INTS14: variants seen among roughly 807,000 people sequenced by gnomAD.
INTS14 encodes integrator complex subunit 14, also known as UPF0464 protein C15orf44.
Under a neutral mutation model 56.9 loss-of-function variants are expected in INTS14, and 27 were observed. That is an observed-to-expected ratio of 0.47 (90% CI 0.35 to 0.65). The LOEUF (loss-of-function observed/expected upper bound fraction) is 0.65, where lower values mean the gene tolerates loss of function less well. Ranked by LOEUF, INTS14 falls within the 30% of genes least tolerant of loss-of-function variation. The pLI is 0.00. For synonymous variants in INTS14, 207 were observed against 236.2 expected (o/e 0.88, Z 1.13); for missense variants, 517 against 632.2 (o/e 0.82, Z 1.95).
At chr15:65,580,304 T>C (rs1180091962) in intron 11 of INTS14, among the ~76,000 whole-genome samples, 1 of 152,206 alleles carries the variant, frequency 6.6e-6, no homozygotes, top group African/African-American at 2.4e-5. Context: ...GCACTTTCCC[T>C]AGGCCCTTTT....
At position 65,598,963 on chromosome 15, in the gene INTS14, G is replaced by A. The variant is rs1229446231; in HGVS notation, c.514C>T (p.Leu172Phe). ...ELQSTDSLEC[L>F]ERLIDLNNGE... is the part of the protein sequence containing the mutation. ...TTGTTTAAATCTATGAGACGTTCAA[G>A]GCATTCCAAGGAATCGGTGCTCTGG... The change falls in exon 5 of 12, where the codon CTT (leucine) becomes TTT (phenylalanine). Residue 172 changes from leucine (L) to phenylalanine (F), a missense_variant. Physicochemically the swap from Leu to Phe is conservative, Grantham distance 22. Coordinates refer to ENST00000313182, the MANE Select transcript of INTS14 (RefSeq NM_001394796.1). 1 of 1,613,680 alleles carries A rather than the reference G, an allele frequency of 6.2e-7. No homozygotes were observed. The highest frequency in any genetic ancestry group is 1.3e-5 in the African/African-American group (1 of 74,900).
chr15:65,606,309 G>A (rs1380402726), intron 2 of INTS14, among the ~76,000 whole-genome samples: 1 of 147,236 alleles, frequency 6.8e-6, no homozygotes, highest in South Asian at 2.1e-4. Flanking sequence ...ACAAAATTTT[G>A]TTACTTACAT....
chr15:65,607,273 C>T lies in INTS14; in HGVS notation c.108G>A (p.Thr36=), dbSNP rs757243119. Reference sequence around the variant, plus strand: ...TTGTGGCCATGTGCTCAAACAGCATCGTTAAACCATGGGCTGCTAGGTGCT... The same window carrying T: ...TTGTGGCCATGTGCTCAAACAGCATTGTTAAACCATGGGCTGCTAGGTGCT... ...QRKHLAAHGL[T]MLFEHMATNY... is the part of the protein sequence containing the mutation. Residue 36 remains threonine, a synonymous_variant, in exon 2 of 12, where the codon ACG becomes ACA. Transcript: ENST00000313182. The T allele has an allele frequency of 2.5e-6, 4 of 1,614,056 alleles. No homozygotes were observed. The highest frequency in any genetic ancestry group is 2.2e-5 in the East Asian group (1 of 44,900).
Position 65,584,839 on chromosome 15 carries a change from G to A in INTS14, c.1170C>T (p.Pro390=). Residue 390 remains proline (P), a synonymous_variant, in exon 10 of 12, where the codon CCC becomes CCT. Coordinates refer to ENST00000313182, the MANE Select transcript of INTS14 (RefSeq NM_001394796.1). The part of the protein sequence containing the change: ...YGEDDNKSPF[P]LQPKNKRSYA... ...AACTGCGTTTGTTTTTGGGCTGCAG[G>A]GGGAATGGACTCTTATTGTCATCCT... The A allele has an allele frequency of 6.2e-7, 1 of 1,613,386 alleles. No individual in the cohort carries two copies. Among genetic ancestry groups the A allele is most frequent in the Non-Finnish European group, 8.5e-7 (1 of 1,179,696 alleles).
intron 3 of INTS14, among the ~76,000 whole-genome samples, chr15:65,602,710 G>C (rs2073485282): frequency 6.6e-6 from 1 of 151,288 alleles, no homozygotes; most frequent in South Asian, 2.1e-4. Flanking sequence ...TGTTGCCCAG[G>C]GTGGAGTGCG....
In INTS14 at chr15:65,579,365, T is replaced by C. The variant is rs1392555445; in HGVS notation, c.*43A>G. On this transcript the variant is annotated 3_prime_UTR_variant, in exon 12 of 12. Coordinates refer to ENST00000313182, the MANE Select transcript of INTS14 (RefSeq NM_001394796.1). ...TGGAAAGGTTTTTACCTAAAGCATTTTCAGTTGAAATGAAAAAAGAAGGAA... is the reference window on the plus strand; with the variant it reads ...TGGAAAGGTTTTTACCTAAAGCATTCTCAGTTGAAATGAAAAAAGAAGGAA... 2 of 1,592,628 alleles carry C rather than the reference T, an allele frequency of 1.3e-6. No individual in the cohort carries two copies. The highest frequency in any genetic ancestry group is 1.3e-5 in the African/African-American group (1 of 74,346).
chr15:65,608,305 C>G (rs1177020176), intron 1 of INTS14, among the ~76,000 whole-genome samples: 2 of 145,578 alleles, frequency 1.4e-5, no homozygotes, highest in Non-Finnish European at 3.0e-5. Context: ...TGTAGTGAGC[C>G]GAGATCGTGC....
intron 9 of INTS14, among the ~76,000 whole-genome samples, chr15:65,588,360 ATATTATT>A (rs1379725647): frequency 6.6e-6 from 1 of 151,824 alleles, no homozygotes. Context: ...GGACATACCT[ATATTATT>A]TAGAAATGTA....
rs377205838 is a variant in INTS14, at chr15:65,585,514, G to C, written c.1121-626C>G. Reference sequence around the variant, plus strand: ...GACAAGAAATACTTTTATTGGTGAAGCATACCCCAATATGGCTTATTAGTT... The same window carrying C: ...GACAAGAAATACTTTTATTGGTGAACCATACCCCAATATGGCTTATTAGTT... On this transcript the variant is annotated intron_variant, in intron 9 of 11. Transcript: ENST00000313182. 9.2e-5 allele frequency among the ~76,000 whole-genome samples: 14 copies of C among 152,274 alleles called. No individual in the cohort carries two copies. In the South Asian group the frequency reaches 1.9e-3, roughly 20 times the overall value.
At chr15:65,589,624 TCTC>T (rs2072951433) in intron 9 of INTS14, among the ~76,000 whole-genome samples, 1 of 152,148 alleles carries the variant, frequency 6.6e-6, no homozygotes, top group Non-Finnish European at 1.5e-5. Context: ...CTCTGCCTAT[TCTC>T]CTCTCCTCAC....
At chr15:65,581,710 G>T (rs2072626929) in intron 11 of INTS14, among the ~76,000 whole-genome samples, 1 of 152,122 alleles carries the variant, frequency 6.6e-6, no homozygotes, top group South Asian at 2.1e-4. Context: ...GCTTCCATCA[G>T]TCATTCATTC....
In INTS14 at chr15:65,607,326, T is replaced by C. The variant is rs189663555; in HGVS notation, c.55A>G (p.Ile19Val). The C allele has an allele frequency of 1.1e-5, 17 of 1,614,132 alleles. No individual in the cohort carries two copies. In the Admixed American group the frequency reaches 1.2e-4, roughly 11 times the overall value. ...CGCTGGTATTCCTCGGACCCCTCAA[T>C]AGACACAGGTCGGGTCATGGAAAGG... The part of the protein sequence containing the change: ...VSLSMTRPVS[I>V]EGSEEYQRKH... Residue 19 changes from isoleucine (I) to valine (V), a missense_variant, in exon 2 of 12, where the codon ATT becomes GTT. Coordinates refer to ENST00000313182, the MANE Select transcript of INTS14 (RefSeq NM_001394796.1).
chr15:65,581,652 G>A (rs1016596211), intron 11 of INTS14, among the ~76,000 whole-genome samples: 3 of 151,628 alleles, frequency 2.0e-5, no homozygotes, highest in African/African-American at 7.3e-5. Flanking sequence ...TACCCATATA[G>A]GAGTGATGAG....
At position 65,593,446 on chromosome 15, in the gene INTS14, A is replaced by G; in HGVS notation, c.968T>C (p.Val323Ala). The G allele has an allele frequency of 6.2e-7, 1 of 1,613,206 alleles. No homozygotes were observed. The highest frequency in any genetic ancestry group is 8.5e-7 in the Non-Finnish European group (1 of 1,179,624). ...TTCCTACCCTAATTGAACAATCGCT[A>G]CCATTCCTTCCACTTTTAGGCTACC... is the stretch of plus-strand genomic sequence containing the variant. Reference protein sequence around the residue: ...LHGSLKVEGMVAIVQLGPEWH... With the variant: ...LHGSLKVEGMAAIVQLGPEWH... Residue 323 changes from valine to alanine, a missense_variant, in exon 8 of 12, where the codon GTA (valine) becomes GCA (alanine). Physicochemically the swap from Val to Ala is moderately conservative, Grantham distance 64. Coordinates refer to ENST00000313182, the MANE Select transcript of INTS14 (RefSeq NM_001394796.1).
chr15:65,610,853 A>G, intron 1 of INTS14: 2 of 1,527,542 alleles, frequency 1.3e-6, no homozygotes, highest in Non-Finnish European at 1.7e-6. Flanking sequence ...AAGAGGGGGC[A>G]GAGGGGAGCT....
intron 9 of INTS14, 115 bp from the exon 10 acceptor site, chr15:65,585,003 A>G: frequency 1.2e-6 from 1 of 860,040 alleles, no homozygotes; most frequent in South Asian, 2.3e-5. Context: ...TCACTTTGTT[A>G]ATTAAGAAAA....
chr15:65,593,409 T>C lies in INTS14; in HGVS notation c.986+19A>G. On this transcript the variant is annotated intron_variant, in intron 8 of 11. Transcript: ENST00000313182. ...TGATTTTCCCTTTCATTCAACCAAA[T>C]GTAAACAAAGTTTCCTACCCTAATT... The C allele has an allele frequency of 1.3e-6, 2 of 1,597,754 alleles. No individual in the cohort carries two copies. The highest frequency in any genetic ancestry group is 1.1e-5 in the South Asian group (1 of 87,720).
At chr15:65,606,861 C>T (rs2073672685) in intron 2 of INTS14, among the ~76,000 whole-genome samples, 1 of 152,064 alleles carries the variant, frequency 6.6e-6, no homozygotes, top group African/African-American at 2.4e-5. Flanking sequence ...GCCTAAAGAT[C>T]CTAAATTTTA....
chr15:65,601,724 T>TC lies in INTS14; in HGVS notation c.331-1796dup, dbSNP rs2073441436. Among the ~76,000 whole-genome samples, 4 of 152,064 alleles carry TC rather than the reference T, an allele frequency of 2.6e-5. No individual in the cohort carries two copies. The South Asian group carries it at 8.3e-4, about 32-fold the overall frequency. On this transcript the variant is annotated intron_variant, in intron 3 of 11. Coordinates refer to ENST00000313182, the MANE Select transcript of INTS14 (RefSeq NM_001394796.1). ...AAAGCCCAAGAATGCTTAATAGAGG[T>TC]CCCCTGGAAGGATGTCATCTTTTGG...
Sources: allele counts gnomAD v4.1 joint callset (sites outside exome capture counted in the v4.1 genomes callset), GRCh38; gene constraint gnomAD v4.1.1; transcripts MANE v1.5; gene names NCBI Gene and HGNC (gene_info 2026-07-23, HGNC 2026-07-21).